Variants in NTN1 observed in about 807,000 individuals in gnomAD.
The protein encoded by NTN1 is netrin 1, also known as netrin-1.
Under a neutral mutation model 54.2 loss-of-function variants are expected in NTN1, and 11 were observed. That is an observed-to-expected ratio of 0.20 (90% CI 0.13 to 0.34). The LOEUF (loss-of-function observed/expected upper bound fraction) is 0.34. Ranked by LOEUF, NTN1 falls within the 10% of genes least tolerant of loss-of-function variation. The pLI is 1.00. For synonymous variants in NTN1, 371 were observed against 382.0 expected, an observed-to-expected ratio of 0.97 and a Z score of 0.33; for missense variants, 740 against 893.1, an observed-to-expected ratio of 0.83 and a Z score of 2.18.
intron 2 of NTN1, among the ~76,000 whole-genome samples, chr17:9,153,129 T>G (rs1404926447): frequency 1.3e-5 from 2 of 151,898 alleles, no homozygotes; most frequent in Non-Finnish European, 2.9e-5. Flanking sequence ...ATGAGCCAGG[T>G]GTGGTGGCAC....
intron 2 of NTN1, among the ~76,000 whole-genome samples, chr17:9,156,533 G>A (rs1481630049): frequency 6.6e-6 from 1 of 152,202 alleles, no homozygotes; most frequent in Non-Finnish European, 1.5e-5. Context: ...CTGGACCTGG[G>A]GTAGTCCTGA....
chr17:9,236,697 AT>A (rs1906004406), intron 6 of NTN1, among the ~76,000 whole-genome samples: 1 of 152,184 alleles, frequency 6.6e-6, no homozygotes, highest in Non-Finnish European at 1.5e-5. Flanking sequence ...ACCACTGTCC[AT>A]TGCTCTATCC....
intron 2 of NTN1, among the ~76,000 whole-genome samples, chr17:9,023,618 C>T (rs181039624): frequency 6.6e-6 from 1 of 152,374 alleles, no homozygotes; most frequent in Non-Finnish European, 1.5e-5. Context: ...CAAGAAGCAG[C>T]AGGAGAAATG....
chr17:9,040,044 A>C (rs1370559577), intron 2 of NTN1, among the ~76,000 whole-genome samples: 2 of 151,990 alleles, frequency 1.3e-5, no homozygotes, highest in Non-Finnish European at 2.9e-5. Context: ...GTGTAGGTCT[A>C]ACTTTTAATA....
In NTN1 at chr17:9,023,333, C is replaced by T. The variant is rs1276531138; in HGVS notation, c.960C>T (p.Pro320=). Reference sequence around the variant, plus strand: ...GCCCGGAGTGCGACCGCTGCAAGCCCTTCCACTACGACCGGCCCTGGCAGC... The same window carrying T: ...GCCCGGAGTGCGACCGCTGCAAGCCTTTCCACTACGACCGGCCCTGGCAGC... ...TAGPECDRCK[P]FHYDRPWQRA... The change falls in exon 2 of 7, where the codon CCC becomes CCT. Residue 320 remains proline, a synonymous_variant. Transcript: ENST00000173229. 2.0e-6 allele frequency: 3 copies of T among 1,522,410 alleles called. No homozygotes were observed. The highest frequency in any genetic ancestry group is 2.6e-6 in the Non-Finnish European group (3 of 1,134,644). 94.3% of individuals were successfully genotyped at this position (1,522,410 alleles called of 1,614,324 possible).
At position 9,117,255 on chromosome 17, in the gene NTN1, G is replaced by T. The variant is rs556002593; in HGVS notation, c.1019-45558G>T. Among the ~76,000 whole-genome samples the T allele has an allele frequency of 2.5e-4, 38 of 152,346 alleles. No individual in the cohort carries two copies. In the South Asian group the frequency reaches 7.5e-3, roughly 30 times the overall value. ...GCATTGGCAGCCAGGGGAAGGAGCT[G>T]CCTGGTGGCAGGGGCCACAGACTGG... On this transcript the variant is annotated intron_variant, in intron 2 of 6. Coordinates refer to ENST00000173229, the MANE Select transcript of NTN1 (RefSeq NM_004822.3).
chr17:9,204,922 A>G (rs1465513689), intron 5 of NTN1, among the ~76,000 whole-genome samples: 4 of 128,654 alleles, frequency 3.1e-5, no homozygotes, highest in African/African-American at 9.6e-5. Context: ...AGTGCTGTCA[A>G]CCCTCATTTT....
chr17:9,175,710 G>C (rs991694143), intron 3 of NTN1: 1 of 152,246 alleles, frequency 6.6e-6, no homozygotes, highest in Non-Finnish European at 1.5e-5. Flanking sequence ...GGTCACCTGA[G>C]CTGTCTGTCC....
intron 5 of NTN1, among the ~76,000 whole-genome samples, chr17:9,185,020 C>A (rs1158431698): frequency 6.6e-6 from 1 of 152,164 alleles, no homozygotes; most frequent in African/African-American, 2.4e-5. Flanking sequence ...TGGTTTAAAC[C>A]GAAGCGAGCA....
At chr17:9,192,799 G>A (rs963254020) in intron 5 of NTN1, among the ~76,000 whole-genome samples, 5 of 152,132 alleles carry the variant, frequency 3.3e-5, no homozygotes, top group African/African-American at 9.7e-5. Flanking sequence ...CTGTTTCCTC[G>A]GCCGGGCGCG....
chr17:9,107,991 T>C (rs2092173588), intron 2 of NTN1, among the ~76,000 whole-genome samples: 1 of 152,210 alleles, frequency 6.6e-6, no homozygotes. Flanking sequence ...ATCACAGTGG[T>C]AAGAAATCTT....
Position 9,022,735 on chromosome 17 carries a change from A to C in NTN1, c.362A>C (p.Gln121Pro). Residue 121 changes from glutamine to proline, a missense_variant, in exon 2 of 7, where the codon CAG becomes CCG. By Grantham distance (76) the Gln-to-Pro change is moderately conservative. Coordinates refer to ENST00000173229, the MANE Select transcript of NTN1 (RefSeq NM_004822.3). ...AACCCGCACAACCTGACGTGCTGGCAGTCCGAGAACTACCTGCAGTTCCCG... is the reference window on the plus strand; with the variant it reads ...AACCCGCACAACCTGACGTGCTGGCCGTCCGAGAACTACCTGCAGTTCCCG... ...LNNPHNLTCW[Q>P]SENYLQFPHN... 1 of 1,607,870 alleles carries C rather than the reference A, an allele frequency of 6.2e-7. No individual in the cohort carries two copies. Among genetic ancestry groups the C allele is most frequent in the Non-Finnish European group, 8.5e-7 (1 of 1,177,824 alleles).
intron 2 of NTN1, among the ~76,000 whole-genome samples, chr17:9,112,810 C>T (rs1335776490): frequency 2.9e-5 from 3 of 104,396 alleles, no homozygotes; most frequent in Non-Finnish European, 5.5e-5. Context: ...TGGGTGACAG[C>T]GAGACTCCGT....
chr17:9,054,723 G>A (rs542639095), intron 2 of NTN1, among the ~76,000 whole-genome samples: 7 of 152,186 alleles, frequency 4.6e-5, no homozygotes, highest in South Asian at 2.1e-4. Context: ...AGGGGACGAC[G>A]AGGGGCTATG....
intron 5 of NTN1, among the ~76,000 whole-genome samples, chr17:9,184,989 C>T (rs769148806): frequency 6.6e-6 from 1 of 152,236 alleles, no homozygotes; most frequent in Non-Finnish European, 1.5e-5. Flanking sequence ...TTCCTTTCCT[C>T]ATTCTGAACC....
chr17:9,043,637 C>A (rs186732448), intron 2 of NTN1, among the ~76,000 whole-genome samples: 4 of 151,164 alleles, frequency 2.6e-5, no homozygotes, highest in African/African-American at 9.8e-5. Context: ...AATGCAATGG[C>A]GCGATCTTGG....
intron 2 of NTN1, among the ~76,000 whole-genome samples, chr17:9,092,319 C>CTTTTTTTTTT (rs148786553): frequency 1.7e-4 from 16 of 91,710 alleles, no homozygotes; most frequent in South Asian, 5.5e-4. Flanking sequence ...CTTTTCTTCT[C>CTTTTTTTTTT]TTTTTTTTTT....
intron 2 of NTN1, among the ~76,000 whole-genome samples, chr17:9,162,056 TG>T (rs984535889): frequency 4.6e-5 from 7 of 152,088 alleles, no homozygotes; most frequent in Non-Finnish European, 7.4e-5. Context: ...GCAATGCTCA[TG>T]GGGAGGGAAC....
chr17:9,008,669 A>G, the NTN1 span, among the ~76,000 whole-genome samples: 1 of 152,192 alleles, frequency 6.6e-6, no homozygotes, highest in Non-Finnish European at 1.5e-5. Context: ...TGGACACTTT[A>G]GGGTCTTCTG....
Sources: gnomAD v4.1 joint callset for allele counts (sites outside exome capture counted in the v4.1 genomes callset) on GRCh38, gnomAD v4.1.1 for gene constraint, MANE v1.5 for transcripts, NCBI Gene and HGNC (gene_info 2026-07-23, HGNC 2026-07-21) for gene names.